Variants in TEKT5 observed in about 807,000 individuals in gnomAD.
The protein encoded by TEKT5 is tektin 5, also known as tektin-5.
A neutral mutation model predicts 48.7 loss-of-function variants in TEKT5; 52 were observed. The ratio of observed to expected loss-of-function variants is 1.07; its 90% CI spans 0.86 to 1.35. The LOEUF (loss-of-function observed/expected upper bound fraction) is 1.35. TEKT5 is among the 40% of genes most tolerant of loss of function. TEKT5 has a pLI of 0.00. For missense variants in TEKT5, 831 were observed against 641.6 expected (o/e 1.30, Z -3.19); for synonymous variants, 318 against 267.6 (o/e 1.19, Z -1.84).
chr16:10,688,171 CTGTT>C (rs758462353), intron 3 of TEKT5, among the ~76,000 whole-genome samples: 155 of 152,182 alleles, frequency 1.0e-3, no homozygotes, highest in African/African-American at 3.4e-3. Flanking sequence ...AACTTCAACT[CTGTT>C]TGTGTCCTTT....
At chr16:10,661,485 A>G (rs1021746177) in intron 5 of TEKT5, among the ~76,000 whole-genome samples, 4 of 152,340 alleles carry the variant, frequency 2.6e-5, no homozygotes, top group African/African-American at 9.6e-5. Context: ...AAAGCAAGAG[A>G]AAGACATGAT....
chr16:10,656,054 T>A (rs909835919), intron 5 of TEKT5, among the ~76,000 whole-genome samples: 105 of 152,298 alleles, frequency 6.9e-4, no homozygotes, highest in Non-Finnish European at 8.5e-4. Flanking sequence ...GACATTTTGA[T>A]AGACTCTTTG....
At chr16:10,650,727 T>A (rs901572015) in intron 5 of TEKT5, among the ~76,000 whole-genome samples, 1 of 151,732 alleles carries the variant, frequency 6.6e-6, no homozygotes, top group African/African-American at 2.4e-5. Context: ...CTACTAAAAA[T>A]ACAAAAAATC....
chr16:10,657,599 T>C lies in TEKT5; in HGVS notation c.1086+18360A>G, dbSNP rs530368084. ...GTCATTCCCCTTTCAATTTTTTTTT[T>C]TTTTCCCTGAGATGGAGTCTCGCTC... On this transcript the variant is annotated intron_variant, in intron 5 of 6. Transcript: ENST00000283025. Among the ~76,000 whole-genome samples the C allele has an allele frequency of 7.5e-4, 114 of 151,704 alleles. No homozygotes were observed. The Middle Eastern group carries it at 0.01, about 14-fold the overall frequency.
intron 4 of TEKT5, among the ~76,000 whole-genome samples, chr16:10,677,742 A>ACCACCCTGGGCAAT (rs1555467156): frequency 4.0e-5 from 6 of 151,486 alleles, no homozygotes; most frequent in African/African-American, 7.3e-5. Context: ...TGTGTCTGGG[A>ACCACCCTGGGCAAT]GGGAGGTAGC....
intron 1 of TEKT5, among the ~76,000 whole-genome samples, chr16:10,692,121 C>T (rs527301029): frequency 1.3e-5 from 2 of 152,074 alleles, no homozygotes; most frequent in East Asian, 1.9e-4. Context: ...ATTGAGATGT[C>T]GATGGTCCCC....
intron 3 of TEKT5, among the ~76,000 whole-genome samples, chr16:10,684,773 G>C (rs544541459): frequency 2.6e-4 from 40 of 152,212 alleles, no homozygotes; most frequent in African/African-American, 9.6e-4. Context: ...CACAACCAAG[G>C]GCCAGACCAA....
At chr16:10,662,128 A>G (rs1898382917) in intron 5 of TEKT5, among the ~76,000 whole-genome samples, 1 of 152,242 alleles carries the variant, frequency 6.6e-6, no homozygotes, top group Non-Finnish European at 1.5e-5. Flanking sequence ...GGTGGGGGGT[A>G]GGGACTGTCC....
chr16:10,652,789 CA>C (rs1898187986), intron 5 of TEKT5, among the ~76,000 whole-genome samples: 1 of 134,288 alleles, frequency 7.4e-6, no homozygotes. Flanking sequence ...CACACACACA[CA>C]CACACCCTCC....
intron 1 of TEKT5, 42 bp from the exon 2 acceptor site, chr16:10,690,067 T>C: frequency 4.4e-6 from 7 of 1,601,430 alleles, no homozygotes; most frequent in Admixed American, 1.7e-5. Context: ...CCTGTAGCTG[T>C]ATGTAGACCC....
chr16:10,685,708 G>A (rs1249014666), intron 3 of TEKT5, among the ~76,000 whole-genome samples: 4 of 151,868 alleles, frequency 2.6e-5, no homozygotes, highest in Admixed American at 6.6e-5. Flanking sequence ...CTCTCTGTCC[G>A]TCTGTCTCCC....
intron 5 of TEKT5, among the ~76,000 whole-genome samples, chr16:10,655,846 A>C (rs936611911): frequency 6.6e-6 from 1 of 152,206 alleles, no homozygotes; most frequent in Non-Finnish European, 1.5e-5. Context: ...TGGGCATCTG[A>C]TGATACCATG....
At chr16:10,638,290 C>T (rs74007175) in intron 5 of TEKT5, among the ~76,000 whole-genome samples, 2,077 of 152,332 alleles carry the variant, frequency 0.014, 54 homozygotes, top group African/African-American at 0.048. Flanking sequence ...TGGCACTAAA[C>T]GATGTCACCT....
chr16:10,685,243 C>A (rs1318554244), intron 3 of TEKT5, among the ~76,000 whole-genome samples: 2 of 152,186 alleles, frequency 1.3e-5, no homozygotes. Flanking sequence ...CTGTCTGCCT[C>A]AGTTGCTCTC....
Position 10,627,788 on chromosome 16 carries a change from T to G in TEKT5, c.1253A>C (p.Glu418Ala). ...RDIPQLKLVN[E>A]VFTIDDTLQT... ...CAGGGTGTCGTCGATGGTGAACACC[T>G]CGTTCACCAGCCTGGGGTGAGGGCA... Residue 418 changes from glutamate to alanine, a missense_variant, in exon 7 of 7, where the codon GAG becomes GCG. Physicochemically the swap from Glu to Ala is moderately radical, Grantham distance 107. Coordinates refer to ENST00000283025, the MANE Select transcript of TEKT5 (RefSeq NM_144674.2). 6.2e-7 allele frequency: 1 copy of G among 1,613,748 alleles called. No individual in the cohort carries two copies. The highest frequency in any genetic ancestry group is 8.5e-7 in the Non-Finnish European group (1 of 1,179,678).
chr16:10,670,475 C>A (rs913564250), intron 5 of TEKT5, among the ~76,000 whole-genome samples: 7 of 152,060 alleles, frequency 4.6e-5, no homozygotes, highest in East Asian at 1.9e-4. Context: ...GCCAAGATCT[C>A]GTCACTGCAC....
chr16:10,687,130 G>A (rs991144291), intron 3 of TEKT5, among the ~76,000 whole-genome samples: 3 of 152,102 alleles, frequency 2.0e-5, no homozygotes, highest in Non-Finnish European at 4.4e-5. Context: ...ATTTCAGTTC[G>A]TCAGGAGGAA....
At chr16:10,674,102 G>C (rs1596414338) in intron 5 of TEKT5, among the ~76,000 whole-genome samples, 1 of 152,044 alleles carries the variant, frequency 6.6e-6, no homozygotes, top group East Asian at 1.9e-4. Context: ...CCTTCACCAG[G>C]CCTACCCAGA....
Sources: allele counts gnomAD v4.1 joint callset (sites outside exome capture counted in the v4.1 genomes callset), GRCh38; gene constraint gnomAD v4.1.1; transcripts MANE v1.5; gene names NCBI Gene and HGNC (gene_info 2026-07-23, HGNC 2026-07-21).